The following PLS1 variants were observed in gnomAD, a reference collection of about 807,000 sequenced individuals.
PLS1 encodes plastin-1.
PLS1 carries 32 observed loss-of-function variants against 73.7 expected under a neutral mutation model. The ratio of observed to expected loss-of-function variants is 0.43; its 90% CI spans 0.33 to 0.58. PLS1 has a LOEUF of 0.58. PLS1 is among the 20% of genes least tolerant of loss of function. The probability of loss-of-function intolerance (pLI) is 0.04; values close to 1 mark genes in which losing one functional copy is unlikely to be tolerated. For missense variants in PLS1, 633 were observed against 740.5 expected, an observed-to-expected ratio of 0.85 and a Z score of 1.68; for synonymous variants, 217 against 261.3, an observed-to-expected ratio of 0.83 and a Z score of 1.63.
chr3:142,626,555 A>T (rs6773213), intron 1 of PLS1, among the ~76,000 whole-genome samples: 7 of 152,072 alleles, frequency 4.6e-5, no homozygotes, highest in East Asian at 1.9e-4. Flanking sequence ...AATATCTCAT[A>T]GTACAATATG....
rs569429074 is a variant in PLS1, at chr3:142,634,995, A to T, written c.-36-29207A>T. Among the ~76,000 whole-genome samples the T allele has an allele frequency of 1.2e-3, 177 of 151,354 alleles. 1 individual carries two copies. The highest frequency in any genetic ancestry group is 3.8e-3 in the African/African-American group (155 of 41,192). ...GAGTGCAGTGGTGCAATCATGGCTC[A>T]CTGTAGCCTCTGAACTCCTGGGCTC... On this transcript the variant is annotated intron_variant, in intron 1 of 15. Coordinates refer to ENST00000457734, the MANE Select transcript of PLS1 (RefSeq NM_001145319.2).
chr3:142,707,764 G>A (rs756400264), intron 14 of PLS1, among the ~76,000 whole-genome samples: 11 of 152,176 alleles, frequency 7.2e-5, no homozygotes, highest in Non-Finnish European at 1.5e-4. Flanking sequence ...CAGGGAAGGT[G>A]GCAAATAAGA....
chr3:142,691,608 A>G (rs924078788), intron 10 of PLS1, among the ~76,000 whole-genome samples: 1 of 152,070 alleles, frequency 6.6e-6, no homozygotes, highest in African/African-American at 2.4e-5. Flanking sequence ...AAATATTTCC[A>G]TTATTATTTA....
At chr3:142,687,881 A>G (rs1043053501) in intron 9 of PLS1, among the ~76,000 whole-genome samples, 5 of 152,052 alleles carry the variant, frequency 3.3e-5, no homozygotes, top group African/African-American at 1.2e-4. Flanking sequence ...TGCCTCATAA[A>G]TGCCATTTTT....
chr3:142,680,952 G>T (rs1204719046), intron 6 of PLS1, among the ~76,000 whole-genome samples: 1 of 152,112 alleles, frequency 6.6e-6, no homozygotes. Flanking sequence ...TTAAGGTGTG[G>T]TTACAATAGT....
chr3:142,670,673 C>A (rs2037586315), intron 3 of PLS1, among the ~76,000 whole-genome samples: 1 of 152,190 alleles, frequency 6.6e-6, no homozygotes, highest in Admixed American at 6.5e-5. Context: ...TTCATTAAGG[C>A]ATTCTTCTAT....
At chr3:142,656,581 C>T (rs1451228963) in intron 1 of PLS1, 1 of 152,162 alleles carries the variant, frequency 6.6e-6, no homozygotes, top group African/African-American at 2.4e-5. Flanking sequence ...AATGATACAG[C>T]TCCCTGTTGT....
chr3:142,614,103 C>T (rs2036170162), intron 1 of PLS1, among the ~76,000 whole-genome samples: 1 of 152,184 alleles, frequency 6.6e-6, no homozygotes, highest in Admixed American at 6.5e-5. Context: ...TACCATCTCT[C>T]TCCTCACCCT....
At position 142,703,942 on chromosome 3, in the gene PLS1, G is replaced by C. The variant is rs1209189226; in HGVS notation, c.1446G>C (p.Gln482His). The C allele has an allele frequency of 6.2e-7, 1 of 1,613,630 alleles. No homozygotes were observed. The change falls in exon 13 of 16, where the codon CAG (glutamine) becomes CAC (histidine). Residue 482 changes from glutamine to histidine, a missense_variant. Transcript: ENST00000457734. Reference protein sequence around the residue: ...AKFSLVGIAGQDLNEGNSTLT... With the variant: ...AKFSLVGIAGHDLNEGNSTLT... ...TCTCCTTGGTTGGCATTGCTGGGCA[G>C]GACCTAAATGAAGGGAATTCAACAC...
rs75800582 is a variant in PLS1, at chr3:142,680,845, G to A, written c.579+2732G>A. 6.2e-3 allele frequency among the ~76,000 whole-genome samples: 940 copies of A among 152,288 alleles called. 13 individuals carry two copies. Among genetic ancestry groups the A allele is most frequent in the African/African-American group, 0.022 (899 of 41,562 alleles). On this transcript the variant is annotated intron_variant, in intron 6 of 15. Transcript: ENST00000457734. ...GGCACTGACAGGTTATACAGAGGCA[G>A]AGCCAGGATGTGATCCCAGTCGTCT...
At chr3:142,639,004 G>A (rs1203567692) in intron 1 of PLS1, among the ~76,000 whole-genome samples, 3 of 152,136 alleles carry the variant, frequency 2.0e-5, no homozygotes. Context: ...GCCTCCCAAA[G>A]TGCTGGGATT....
intron 1 of PLS1, among the ~76,000 whole-genome samples, chr3:142,613,815 A>G (rs2036165672): frequency 6.6e-6 from 1 of 152,240 alleles, no homozygotes; most frequent in Admixed American, 6.5e-5. Flanking sequence ...TTCCTGTTAC[A>G]TAAAAATTCT....
intron 14 of PLS1, among the ~76,000 whole-genome samples, chr3:142,710,992 G>T (rs899496797): frequency 6.6e-6 from 1 of 152,046 alleles, no homozygotes; most frequent in Non-Finnish European, 1.5e-5. Flanking sequence ...TTTTAAAAAA[G>T]AATTCCTTTA....
intron 1 of PLS1, among the ~76,000 whole-genome samples, chr3:142,618,527 G>T (rs867337858): frequency 7.2e-5 from 11 of 152,166 alleles, no homozygotes; most frequent in African/African-American, 2.4e-4. Flanking sequence ...AGGCTCTAGG[G>T]GAGAATCGTT....
chr3:142,711,812 A>G, intron 15 of PLS1, 60 bp from the exon 16 acceptor site: 2 of 1,549,006 alleles, frequency 1.3e-6, no homozygotes, highest in Non-Finnish European at 1.8e-6. Flanking sequence ...CTCTTTTGTT[A>G]AAATATGTTA....
At chr3:142,694,624 G>T (rs540884038) in intron 11 of PLS1, 77 bp downstream of exon 11, 172 of 785,122 alleles carry the variant, frequency 2.2e-4, no homozygotes, top group Non-Finnish European at 2.7e-4. Flanking sequence ...ATGTTTAAAT[G>T]GAACATTTTC....
chr3:142,606,420 T>C (rs535803600), intron 1 of PLS1, among the ~76,000 whole-genome samples: 1 of 152,366 alleles, frequency 6.6e-6, no homozygotes, highest in East Asian at 1.9e-4. Flanking sequence ...AAATGATGTT[T>C]CATCAGTATT....
intron 1 of PLS1, among the ~76,000 whole-genome samples, chr3:142,614,163 A>G (rs948060968): frequency 5.9e-5 from 9 of 152,230 alleles, no homozygotes; most frequent in African/African-American, 2.2e-4. Context: ...GATCTGTACA[A>G]TTACAGCTTC....
chr3:142,601,858 T>C (rs1015085946), intron 1 of PLS1, among the ~76,000 whole-genome samples: 1 of 152,144 alleles, frequency 6.6e-6, no homozygotes, highest in African/African-American at 2.4e-5. Flanking sequence ...CTTAGAGAGA[T>C]AGATAAAAGC....
Sources: allele counts gnomAD v4.1 joint callset (sites outside exome capture counted in the v4.1 genomes callset), GRCh38; gene constraint gnomAD v4.1.1; transcripts MANE v1.5; gene names NCBI Gene and HGNC (gene_info 2026-07-23, HGNC 2026-07-21).